ZRANB3: variants seen among roughly 807,000 people sequenced by gnomAD.
The protein encoded by ZRANB3 is zinc finger RANBP2-type containing 3, also known as DNA annealing helicase and endonuclease ZRANB3.
ZRANB3 carries 125 observed loss-of-function variants against 133.8 expected under a neutral mutation model. That is an observed-to-expected ratio of 0.93 (90% confidence interval 0.81 to 1.08). The LOEUF is 1.08. Ranked by LOEUF, ZRANB3 falls within the 50% of genes least tolerant of loss-of-function variation. The probability of loss-of-function intolerance (pLI) is 0.00; values close to 1 mark genes in which losing one functional copy is unlikely to be tolerated. For synonymous variants in ZRANB3, 387 were observed against 432.7 expected, an observed-to-expected ratio of 0.89 and a Z score of 1.31; for missense variants, 1,229 against 1,275.5, an observed-to-expected ratio of 0.96 and a Z score of 0.56.
At chr2:135,449,794 A>G (rs1324840547) in intron 2 of ZRANB3, among the ~76,000 whole-genome samples, 1 of 152,142 alleles carries the variant, frequency 6.6e-6, no homozygotes, top group Non-Finnish European at 1.5e-5. Context: ...GTCTCTCTCT[A>G]TCATCCAGGC....
At chr2:135,336,949 A>G (rs1684397374) in intron 6 of ZRANB3, among the ~76,000 whole-genome samples, 1 of 152,192 alleles carries the variant, frequency 6.6e-6, no homozygotes, top group Non-Finnish European at 1.5e-5. Flanking sequence ...TATGATAGGA[A>G]CAAAATGAAT....
At chr2:135,353,428 A>C in intron 4 of ZRANB3, 22 bp downstream of exon 4, 2 of 1,520,280 alleles carry the variant, frequency 1.3e-6, no homozygotes, top group Admixed American at 2.1e-5. Context: ...TTTCTCCTTA[A>C]ATATTAAACA....
rs566725086 is a variant in ZRANB3, at chr2:135,491,602, C to T, written c.161+12727G>A. On this transcript the variant is annotated intron_variant, in intron 2 of 20. Transcript: ENST00000264159. ...AATCTCAGCTCACTGCAACCTCCAC[C>T]TCCCTGGTTCAAGCAATTCCCCTGC... is the stretch of plus-strand genomic sequence containing the variant. Among the ~76,000 whole-genome samples the T allele has an allele frequency of 7.2e-5, 11 of 152,276 alleles. No homozygotes were observed. In the East Asian group the frequency reaches 2.1e-3, roughly 29 times the overall value.
chr2:135,494,873 T>C (rs1056199712), intron 2 of ZRANB3, among the ~76,000 whole-genome samples: 1 of 152,176 alleles, frequency 6.6e-6, no homozygotes, highest in Admixed American at 6.5e-5. Context: ...ATTTTCATAT[T>C]GAACAAAAAA....
chr2:135,402,663 T>C (rs1289605300), intron 2 of ZRANB3, among the ~76,000 whole-genome samples: 6 of 151,886 alleles, frequency 4.0e-5, no homozygotes, highest in Non-Finnish European at 8.8e-5. Context: ...CTTAGCTCAC[T>C]GCAACCTCCA....
At chr2:135,321,107 C>G (rs1158628672) in intron 6 of ZRANB3, among the ~76,000 whole-genome samples, 1 of 152,178 alleles carries the variant, frequency 6.6e-6, no homozygotes, top group Non-Finnish European at 1.5e-5. Flanking sequence ...CTACTATAAA[C>G]AGCTGCATAC....
At chr2:135,360,671 C>G (rs1045518314) in intron 3 of ZRANB3, among the ~76,000 whole-genome samples, 3 of 152,144 alleles carry the variant, frequency 2.0e-5, no homozygotes, top group African/African-American at 4.8e-5. Flanking sequence ...TGCCACTGCA[C>G]TCCTGCCTGG....
At chr2:135,412,587 T>A (rs1688357539) in intron 2 of ZRANB3, among the ~76,000 whole-genome samples, 1 of 152,214 alleles carries the variant, frequency 6.6e-6, no homozygotes, top group Non-Finnish European at 1.5e-5. Flanking sequence ...CATAATCAAG[T>A]TTTTTGATCT....
intron 19 of ZRANB3, among the ~76,000 whole-genome samples, chr2:135,205,476 C>G (rs1171510040): frequency 6.6e-6 from 1 of 152,012 alleles, no homozygotes; most frequent in Non-Finnish European, 1.5e-5. Flanking sequence ...TGGGGTTCCA[C>G]TAGCTGGGAC....
At chr2:135,431,905 G>T (rs6732607) in intron 2 of ZRANB3, among the ~76,000 whole-genome samples, 40,159 of 151,972 alleles carry the variant, frequency 0.26, 8,826 homozygotes, top group African/African-American at 0.59. Flanking sequence ...ACATTATGAA[G>T]GTATATAACA....
intron 11 of ZRANB3, among the ~76,000 whole-genome samples, chr2:135,267,560 GA>G (rs1432468704): frequency 1.3e-5 from 2 of 151,860 alleles, no homozygotes; most frequent in African/African-American, 4.8e-5. Flanking sequence ...GTTTTAGAGG[GA>G]ATGAACATTC....
chr2:135,496,384 TA>T (rs56770947), intron 2 of ZRANB3, among the ~76,000 whole-genome samples: 229 of 33,304 alleles, frequency 6.9e-3, no homozygotes, highest in African/African-American at 0.011. Context: ...AACTCCATCT[TA>T]AAAAAAAAAA....
intron 2 of ZRANB3, among the ~76,000 whole-genome samples, chr2:135,409,041 GT>G (rs1688182032): frequency 1.3e-5 from 2 of 152,124 alleles, no homozygotes; most frequent in African/African-American, 2.4e-5. Context: ...TTGGCTCATG[GT>G]TCTGCAGGCA....
At chr2:135,510,701 G>C (rs886494867) in intron 1 of ZRANB3, 2 of 797,782 alleles carry the variant, frequency 2.5e-6, no homozygotes, top group Non-Finnish European at 4.6e-6. Flanking sequence ...CTGGCAGCTC[G>C]AGTCTTCTTC....
chr2:135,443,120 AAAAAAAGAAAGAAAAAG>A (rs1689856603), intron 2 of ZRANB3, among the ~76,000 whole-genome samples: 1 of 132,498 alleles, frequency 7.5e-6, no homozygotes, highest in Non-Finnish European at 1.5e-5. Flanking sequence ...CATCTCAAAA[AAAAAAAGAAAGAAAAAG>A]AAAAAAGAAA....
chr2:135,416,522 G>T (rs865928990), intron 2 of ZRANB3, among the ~76,000 whole-genome samples: 1 of 151,774 alleles, frequency 6.6e-6, no homozygotes, highest in Non-Finnish European at 1.5e-5. Context: ...TCGTGAAAAT[G>T]GCCATACTGC....
chr2:135,422,717 G>C (rs1688915420), intron 2 of ZRANB3, among the ~76,000 whole-genome samples: 1 of 152,076 alleles, frequency 6.6e-6, no homozygotes, highest in South Asian at 2.1e-4. Context: ...CAGGAGGAGA[G>C]GGTGTGAAGA....
At chr2:135,221,606 G>C (rs1694556902) in intron 15 of ZRANB3, among the ~76,000 whole-genome samples, 1 of 152,210 alleles carries the variant, frequency 6.6e-6, no homozygotes, top group Non-Finnish European at 1.5e-5. Flanking sequence ...CCTGGTGTCT[G>C]TCCTTTGGTT....
At chr2:135,356,961 G>A (rs532054255) in intron 3 of ZRANB3, among the ~76,000 whole-genome samples, 1 of 152,114 alleles carries the variant, frequency 6.6e-6, no homozygotes, top group Non-Finnish European at 1.5e-5. Flanking sequence ...TGGGATTATA[G>A]GTGAGGGCCA....
Sources: allele counts gnomAD v4.1 joint callset (sites outside exome capture counted in the v4.1 genomes callset), GRCh38; gene constraint gnomAD v4.1.1; transcripts MANE v1.5; gene names NCBI Gene and HGNC (gene_info 2026-07-23, HGNC 2026-07-21).